LMBR1: variants seen among roughly 807,000 people sequenced by gnomAD.
LMBR1 encodes the protein limb development membrane protein 1, also known as limb region 1 protein homolog.
A neutral mutation model predicts 73.9 loss-of-function variants in LMBR1; 52 were observed. The ratio of observed to expected loss-of-function variants is 0.70; its 90% confidence interval spans 0.56 to 0.89. The LOEUF is 0.89. Ranked by LOEUF, LMBR1 falls within the 40% of genes least tolerant of loss-of-function variation. The probability of loss-of-function intolerance (pLI) is 0.00; values close to 1 mark genes in which losing one functional copy is unlikely to be tolerated. For synonymous variants in LMBR1, 215 were observed against 209.4 expected (o/e 1.03, Z -0.23); for missense variants, 539 against 579.8 (o/e 0.93, Z 0.72).
At chr7:156,718,251 T>C (rs1436628993) in intron 15 of LMBR1, among the ~76,000 whole-genome samples, 1 of 149,654 alleles carries the variant, frequency 6.7e-6, no homozygotes, top group Non-Finnish European at 1.5e-5. Context: ...AATACAAAAA[T>C]TAGCTGGGCA....
intron 5 of LMBR1, among the ~76,000 whole-genome samples, chr7:156,792,779 T>C (rs893038880): frequency 6.6e-6 from 1 of 152,216 alleles, no homozygotes; most frequent in Non-Finnish European, 1.5e-5. Context: ...AATTTCCGCA[T>C]CTCGGCACAA....
intron 5 of LMBR1, among the ~76,000 whole-genome samples, chr7:156,779,897 C>T (rs765599296): frequency 6.6e-6 from 1 of 152,142 alleles, no homozygotes; most frequent in African/African-American, 2.4e-5. Context: ...CTCAGCATGG[C>T]ATCAAGATTG....
intron 9 of LMBR1, among the ~76,000 whole-genome samples, chr7:156,754,651 A>G (rs897074114): frequency 6.6e-6 from 1 of 152,218 alleles, no homozygotes; most frequent in African/African-American, 2.4e-5. Context: ...TTATAAATTA[A>G]AATAGAAAGT....
chr7:156,845,967 G>C (rs1318481621), intron 1 of LMBR1, among the ~76,000 whole-genome samples: 1 of 139,278 alleles, frequency 7.2e-6, no homozygotes, highest in African/African-American at 2.6e-5. Context: ...AAATACCTCA[G>C]AAAAAAAAAA....
chr7:156,765,180 T>G (rs1436794586), intron 5 of LMBR1, among the ~76,000 whole-genome samples: 1 of 152,222 alleles, frequency 6.6e-6, no homozygotes, highest in Non-Finnish European at 1.5e-5. Context: ...GATGCTGATA[T>G]GGTTTGCCTG....
chr7:156,764,005 CA>C (rs200856353), intron 5 of LMBR1, among the ~76,000 whole-genome samples: 12 of 151,768 alleles, frequency 7.9e-5, no homozygotes, highest in African/African-American at 1.2e-4. Flanking sequence ...GGATAAAACA[CA>C]AAAAAAATTC....
chr7:156,793,943 C>T (rs1043808235), intron 5 of LMBR1, among the ~76,000 whole-genome samples: 2 of 151,988 alleles, frequency 1.3e-5, no homozygotes, highest in East Asian at 1.9e-4. Flanking sequence ...AATTTTCTCA[C>T]GGTTGCAGCT....
intron 1 of LMBR1, among the ~76,000 whole-genome samples, chr7:156,873,605 A>G (rs1427818247): frequency 6.6e-6 from 1 of 152,168 alleles, no homozygotes; most frequent in Non-Finnish European, 1.5e-5. Context: ...TGAGCTAGAT[A>G]CAAAGGTTCT....
chr7:156,695,814 A>G (rs1232084826), intron 15 of LMBR1, among the ~76,000 whole-genome samples: 3 of 151,866 alleles, frequency 2.0e-5, no homozygotes, highest in Non-Finnish European at 4.4e-5. Flanking sequence ...TGACCAATCT[A>G]TTGTAATCCA....
intron 5 of LMBR1, among the ~76,000 whole-genome samples, chr7:156,785,483 G>A (rs1366606957): frequency 1.3e-5 from 2 of 152,090 alleles, no homozygotes; most frequent in East Asian, 1.9e-4. Context: ...CCTGACATAC[G>A]GATGTATTCA....
chr7:156,788,588 C>G (rs1186607229), intron 5 of LMBR1, among the ~76,000 whole-genome samples: 1 of 151,612 alleles, frequency 6.6e-6, no homozygotes, highest in East Asian at 1.9e-4. Context: ...ACTCACCAAA[C>G]CCCACATTCA....
At chr7:156,743,056 T>C (rs1040968334) in intron 9 of LMBR1, among the ~76,000 whole-genome samples, 5 of 152,182 alleles carry the variant, frequency 3.3e-5, no homozygotes, top group Non-Finnish European at 5.9e-5. Flanking sequence ...CCCTTCATGA[T>C]ACAAACCTTT....
chr7:156,851,635 G>A (rs1201367147), intron 1 of LMBR1, among the ~76,000 whole-genome samples: 1 of 152,122 alleles, frequency 6.6e-6, no homozygotes, highest in Non-Finnish European at 1.5e-5. Context: ...AGTCATGATT[G>A]TAAGCCAAAA....
chr7:156,745,114 C>T (rs1224338593), intron 9 of LMBR1, among the ~76,000 whole-genome samples: 1 of 152,202 alleles, frequency 6.6e-6, no homozygotes, highest in African/African-American at 2.4e-5. Context: ...AGGACTTGGA[C>T]ATCTTTAGGA....
At chr7:156,672,945 C>G (rs1489143564), downstream of LMBR1, among the ~76,000 whole-genome samples, 1 of 152,216 alleles carries the variant, frequency 6.6e-6, no homozygotes, top group Non-Finnish European at 1.5e-5. Flanking sequence ...ACCTGGAGGG[C>G]TGTAAAGCAT....
chr7:156,889,375 ATC>A (rs199630066), intron 1 of LMBR1, among the ~76,000 whole-genome samples: 1 of 118,388 alleles, frequency 8.4e-6, no homozygotes, highest in Admixed American at 8.2e-5. Context: ...ATATATATAT[ATC>A]TTATTATGAT....
intron 5 of LMBR1, among the ~76,000 whole-genome samples, chr7:156,769,072 T>A (rs1328029366): frequency 6.6e-6 from 1 of 152,172 alleles, no homozygotes; most frequent in African/African-American, 2.4e-5. Flanking sequence ...AGGCCAAGCT[T>A]GCATAGTATG....
chr7:156,818,269 A>AT (rs1834237977), intron 4 of LMBR1, among the ~76,000 whole-genome samples: 1 of 152,244 alleles, frequency 6.6e-6, no homozygotes, highest in Admixed American at 6.5e-5. Flanking sequence ...ATGTCCAAAC[A>AT]GTGTATCGCC....
chr7:156,843,114 G>C (rs1586175885), intron 1 of LMBR1, among the ~76,000 whole-genome samples: 1 of 152,108 alleles, frequency 6.6e-6, no homozygotes, highest in Admixed American at 6.5e-5. Flanking sequence ...CTCCCTCTCT[G>C]TTGTTCTCCC....
Sources: allele counts gnomAD v4.1 joint callset (sites outside exome capture counted in the v4.1 genomes callset), GRCh38; gene constraint gnomAD v4.1.1; transcripts MANE v1.5; gene names NCBI Gene and HGNC (gene_info 2026-07-23, HGNC 2026-07-21).